MOV10L1: variants seen among roughly 807,000 people sequenced by gnomAD.
MOV10L1 encodes RNA helicase Mov10l1.
Under a neutral mutation model 143.8 loss-of-function variants are expected in MOV10L1, and 110 were observed. The ratio of observed to expected loss-of-function variants is 0.76; its 90% CI spans 0.66 to 0.90. The LOEUF is 0.90. Ranked by LOEUF, MOV10L1 falls within the 40% of genes least tolerant of loss-of-function variation. The probability of loss-of-function intolerance (pLI) is 0.00; values close to 1 mark genes in which losing one functional copy is unlikely to be tolerated. For missense variants in MOV10L1, 1,406 were observed against 1,526.8 expected (o/e 0.92, Z 1.32); for synonymous variants, 593 against 581.1 (o/e 1.02, Z -0.29).
intron 26 of MOV10L1, 21 bp downstream of exon 26, chr22:50,161,076 C>T (rs769463471): frequency 1.9e-6 from 3 of 1,606,610 alleles, no homozygotes; most frequent in Non-Finnish European, 2.6e-6. Flanking sequence ...CTGCTGTCTT[C>T]CTCAAAGACA....
In MOV10L1 at chr22:50,092,059, C is replaced by T. The variant is rs1393116411; in HGVS notation, c.156C>T (p.Gly52=). 6.2e-7 allele frequency: 1 copy of T among 1,614,132 alleles called. No homozygotes were observed. Among genetic ancestry groups the T allele is most frequent in the East Asian group, 2.2e-5 (1 of 44,882 alleles). The change falls in exon 2 of 27, where the codon GGC becomes GGT. Residue 52 remains glycine (G), a synonymous_variant. Coordinates refer to ENST00000262794, the MANE Select transcript of MOV10L1 (RefSeq NM_018995.3). ...GVVTRYCSDY[G]MIDDMIYFSS... Reference sequence around the variant, plus strand: ...TGACAAGGTACTGCAGCGATTATGGCATGATTGATGATATGATCTACTTCT... The same window carrying T: ...TGACAAGGTACTGCAGCGATTATGGTATGATTGATGATATGATCTACTTCT...
chr22:50,108,104 C>T, intron 3 of MOV10L1, 32 bp from the exon 4 acceptor site: 2 of 1,594,562 alleles, frequency 1.3e-6, no homozygotes, highest in Non-Finnish European at 1.7e-6. Context: ...TGCACTTTAA[C>T]ACTACCATGG....
At chr22:50,121,715 T>C (rs536258648) in intron 10 of MOV10L1, among the ~76,000 whole-genome samples, 4 of 152,192 alleles carry the variant, frequency 2.6e-5, no homozygotes, top group Admixed American at 6.5e-5. Context: ...TCTGCTAGGA[T>C]GGAGAGGTGC....
intron 3 of MOV10L1, among the ~76,000 whole-genome samples, chr22:50,100,542 C>T (rs1247537573): frequency 2.0e-5 from 3 of 152,084 alleles, no homozygotes; most frequent in East Asian, 3.9e-4. Context: ...GAGATGGAGT[C>T]TCACCCTGTC....
At chr22:50,126,323 G>C (rs369769780) in intron 12 of MOV10L1, 51 bp downstream of exon 12, 9 of 1,396,956 alleles carry the variant, frequency 6.4e-6, no homozygotes, top group Admixed American at 1.8e-5. Flanking sequence ...CCTTCTGACC[G>C]GTTGGAAAGG....
intron 19 of MOV10L1, chr22:50,147,231 G>C (rs1016730027): frequency 4.2e-6 from 3 of 707,124 alleles, no homozygotes. Flanking sequence ...GCTGCAGGCC[G>C]CTCTCTCAGA....
At chr22:50,105,431 G>C (rs938309323) in intron 3 of MOV10L1, among the ~76,000 whole-genome samples, 3 of 152,146 alleles carry the variant, frequency 2.0e-5, no homozygotes, top group Admixed American at 2.0e-4. Flanking sequence ...AGATTCTTTT[G>C]AAAGTTTGGC....
chr22:50,150,319 C>T (rs1339220443), intron 20 of MOV10L1, among the ~76,000 whole-genome samples: 1 of 152,154 alleles, frequency 6.6e-6, no homozygotes, highest in African/African-American at 2.4e-5. Context: ...GGAGCAGGGA[C>T]TGGTCCAGGC....
chr22:50,154,886 T>TG (rs2063387676), intron 22 of MOV10L1, among the ~76,000 whole-genome samples: 2 of 152,232 alleles, frequency 1.3e-5, no homozygotes, highest in Non-Finnish European at 1.5e-5. Flanking sequence ...TCTTTTTACC[T>TG]GGTATGTCTT....
rs1044515174 is a variant in MOV10L1 at position 50,114,628 on chromosome 22, G to A, written c.1126+6G>A. The A allele has an allele frequency of 1.9e-6, 3 of 1,612,932 alleles. No individual in the cohort carries two copies. Among genetic ancestry groups the A allele is most frequent in the South Asian group, 1.1e-5 (1 of 91,028 alleles). ...CAACAGAGGAATCTCTCCAGGTAGT[G>A]GACGTTTCGGCTGTCACTGCGTGAG... On this transcript the variant is annotated splice_donor_region_variant and intron_variant, in intron 7 of 26. Coordinates refer to ENST00000262794, the MANE Select transcript of MOV10L1 (RefSeq NM_018995.3).
intron 2 of MOV10L1, among the ~76,000 whole-genome samples, chr22:50,098,212 A>AATT (rs1569268404): frequency 2.2e-4 from 33 of 148,610 alleles, no homozygotes; most frequent in African/African-American, 8.3e-4. Flanking sequence ...TCTTAATAAT[A>AATT]ATTAAGTATT....
At chr22:50,142,271 A>T (rs1462085356) in intron 16 of MOV10L1, 82 bp downstream of exon 16, 1 of 1,095,978 alleles carries the variant, frequency 9.1e-7, no homozygotes, top group Non-Finnish European at 1.3e-6. Flanking sequence ...GTGGGCTCTC[A>T]TGCAGAAGGA....
chr22:50,111,381 G>T (rs938090981), intron 5 of MOV10L1, among the ~76,000 whole-genome samples: 1 of 150,784 alleles, frequency 6.6e-6, no homozygotes, highest in Non-Finnish European at 1.5e-5. Context: ...ACCTTGTCTT[G>T]TAGCTCTCTG....
chr22:50,122,086 C>T (rs1412101394), intron 10 of MOV10L1, among the ~76,000 whole-genome samples: 1 of 152,078 alleles, frequency 6.6e-6, no homozygotes, highest in African/African-American at 2.4e-5. Flanking sequence ...CCACTGCACC[C>T]GGCCTGTCAT....
In MOV10L1 at chr22:50,090,414, C is replaced by A. The variant is rs1000690600; in HGVS notation, c.97+229C>A. On this transcript the variant is annotated intron_variant, in intron 1 of 26. Transcript: ENST00000262794. ...CTCTGTGAGGTCTCTCCGGTGACAC[C>A]AGCCCCTCTTCCCGCCCTCACTTTG... 1.0e-5 allele frequency: 16 copies of A among 1,579,966 alleles called. No homozygotes were observed. The African/African-American group carries it at 2.0e-4, about 20-fold the overall frequency.
At chr22:50,090,778 G>T in intron 1 of MOV10L1, 1 of 432,462 alleles carries the variant, frequency 2.3e-6, no homozygotes, top group Non-Finnish European at 4.3e-6. Flanking sequence ...CTGGGTTCAA[G>T]TGATTCTCCT....
intron 3 of MOV10L1, among the ~76,000 whole-genome samples, chr22:50,101,559 GC>G (rs1162853721): frequency 1.4e-5 from 2 of 141,796 alleles, no homozygotes; most frequent in Non-Finnish European, 3.1e-5. Flanking sequence ...CGCTCTTGTT[GC>G]CCAGGCTCGA....
chr22:50,153,702 AC>A (rs1451397017), intron 22 of MOV10L1, among the ~76,000 whole-genome samples: 3 of 152,080 alleles, frequency 2.0e-5, no homozygotes, highest in Admixed American at 2.0e-4. Context: ...ACGGGCCACC[AC>A]CCCCTCTCCA....
At chr22:50,144,796 T>C (rs1423299696) in intron 18 of MOV10L1, among the ~76,000 whole-genome samples, 1 of 152,080 alleles carries the variant, frequency 6.6e-6, no homozygotes, top group Non-Finnish European at 1.5e-5. Context: ...TTAGCCAGGA[T>C]GGTCTCGATC....
Sources: gnomAD v4.1 joint callset for allele counts (sites outside exome capture counted in the v4.1 genomes callset) on GRCh38, gnomAD v4.1.1 for gene constraint, MANE v1.5 for transcripts, NCBI Gene and HGNC (gene_info 2026-07-23, HGNC 2026-07-21) for gene names.